FEM1C: variants seen among roughly 807,000 people sequenced by gnomAD.
FEM1C encodes protein fem-1 homolog C.
A neutral mutation model predicts 37.6 loss-of-function variants in FEM1C; 15 were observed. The ratio of observed to expected loss-of-function variants is 0.40; its 90% CI spans 0.27 to 0.61. The LOEUF is 0.61. FEM1C is among the 20% of genes least tolerant of loss of function. The pLI is 0.42. For missense variants in FEM1C, 532 were observed against 749.7 expected, an observed-to-expected ratio of 0.71 and a Z score of 3.39; for synonymous variants, 287 against 272.8, an observed-to-expected ratio of 1.05 and a Z score of -0.51.
At chr5:115,532,762 A>G (rs957536921) in intron 2 of FEM1C, among the ~76,000 whole-genome samples, 9 of 152,060 alleles carry the variant, frequency 5.9e-5, no homozygotes, top group African/African-American at 2.2e-4. Flanking sequence ...TTTATGGTGA[A>G]AGTTCAAGCA....
In FEM1C at chr5:115,525,173, A is replaced by C; in HGVS notation, c.989T>G (p.Leu330Arg). ...AGAGGTATCAGGATGAGAAGGACCA[A>C]GAATACGTTCTCTGATTAATAGTGC... ...MQALLIRERI[L>R]GPSHPDTSYY... The change falls in exon 3 of 3, where the codon CTT becomes CGT. Residue 330 changes from leucine to arginine, a missense_variant. Leu to Arg is a moderately radical substitution (Grantham distance 102). Around this residue, in one of 3 missense-constraint regions of FEM1C, gnomAD observed 221 missense variants for 404.1 expected, o/e 0.55. Transcript: ENST00000274457. The C allele has an allele frequency of 6.2e-7, 1 of 1,613,650 alleles. No homozygotes were observed. The highest frequency in any genetic ancestry group is 8.5e-7 in the Non-Finnish European group (1 of 1,179,836).
In FEM1C at chr5:115,522,036, C is replaced by G. The variant is rs1333309156; in HGVS notation, c.*2272G>C. The G allele has an allele frequency of 6.6e-6, 1 of 151,742 alleles. No individual in the cohort carries two copies. Among genetic ancestry groups the G allele is most frequent in the Non-Finnish European group, 1.5e-5 (1 of 67,798 alleles). The allele number at this position is 151,742 out of a possible 1,614,324, so 9.4% of individuals were successfully genotyped here. A position where few individuals can be genotyped will look rare whatever the true frequency, so the allele number is the denominator to read the frequency against. On this transcript the variant is annotated 3_prime_UTR_variant, in exon 3 of 3. Coordinates refer to ENST00000274457, the MANE Select transcript of FEM1C (RefSeq NM_020177.3). Reference sequence around the variant, plus strand: ...GTGCAAAAATGCTATTTAAAGAAATCCTTACTTTACACAGGAGTTGCACAA... The same window carrying G: ...GTGCAAAAATGCTATTTAAAGAAATGCTTACTTTACACAGGAGTTGCACAA...
At chr5:115,526,460 T>C (rs1753896090) in intron 2 of FEM1C, among the ~76,000 whole-genome samples, 1 of 152,156 alleles carries the variant, frequency 6.6e-6, no homozygotes, top group African/African-American at 2.4e-5. Flanking sequence ...GTACTAAATG[T>C]TCTAACACTG....
At chr5:115,525,639 A>C (rs763108157) in intron 2 of FEM1C, 22 bp from the exon 3 acceptor site, 5 of 1,581,364 alleles carry the variant, frequency 3.2e-6, no homozygotes, top group Non-Finnish European at 4.3e-6. Flanking sequence ...AGAGAAAAAA[A>C]GAAATAACAT....
intron 2 of FEM1C, among the ~76,000 whole-genome samples, chr5:115,536,700 T>TA (rs1327595561): frequency 6.6e-6 from 1 of 151,400 alleles, no homozygotes; most frequent in Admixed American, 6.6e-5. Flanking sequence ...AAAAGGAAAT[T>TA]AAAAAAAAGA....
In FEM1C at chr5:115,543,596, T is replaced by A; in HGVS notation, c.-103A>T. ...AGTCACAGGAACCAAAGTCCAATGT[T>A]AATTGCTGCACCCCAGAACGGATAC... On this transcript the variant is annotated 5_prime_UTR_variant, in exon 2 of 3. It removes the in-frame stop codon of an upstream open reading frame in the 5' UTR. Transcript: ENST00000274457. 2 of 1,488,224 alleles carry A rather than the reference T, an allele frequency of 1.3e-6. No individual in the cohort carries two copies. The highest frequency in any genetic ancestry group is 1.8e-6 in the Non-Finnish European group (2 of 1,128,942). 92.2% of individuals were successfully genotyped at this position (1,488,224 alleles called of 1,614,324 possible). A position where few individuals can be genotyped will look rare whatever the true frequency, so the allele number is the denominator to read the frequency against.
chr5:115,527,351 C>T lies in FEM1C; in HGVS notation c.545-1734G>A, dbSNP rs12110084. On this transcript the variant is annotated intron_variant, in intron 2 of 2. Transcript: ENST00000274457. ...TTATAAGAAATATTGAATCTTTCCA[C>T]AAGTTTATCCTGTTTCGTCTTCTAT... Among the ~76,000 whole-genome samples, 677 of 152,174 alleles carry T rather than the reference C, an allele frequency of 4.4e-3. 9 individuals carry two copies. Among genetic ancestry groups the T allele is most frequent in the African/African-American group, 0.015 (631 of 41,528 alleles).
At chr5:115,535,920 G>A (rs1754116196) in intron 2 of FEM1C, among the ~76,000 whole-genome samples, 1 of 152,004 alleles carries the variant, frequency 6.6e-6, no homozygotes, top group South Asian at 2.1e-4. Context: ...CTACAAAATG[G>A]ATGAACCTTG....
chr5:115,527,515 CATTT>C (rs1753919347), intron 2 of FEM1C, among the ~76,000 whole-genome samples: 2 of 152,084 alleles, frequency 1.3e-5, no homozygotes, highest in Non-Finnish European at 2.9e-5. Context: ...TATCGATGTT[CATTT>C]GTTTAAAATA....
chr5:115,543,732 G>T, intron 1 of FEM1C, 49 bp from the exon 2 acceptor site: 1 of 1,311,858 alleles, frequency 7.6e-7, no homozygotes, highest in Non-Finnish European at 9.7e-7. Context: ...TATAGAAGAA[G>T]GCAAAACACT....
rs1435346647 is a variant in FEM1C at position 115,523,448 on chromosome 5, T to C, written c.*860A>G. ...AAGGTGGGTCACTTTAAAAAGATTCTTCCTTTTACTGCATGATATATTAAG... is the reference window on the plus strand; with the variant it reads ...AAGGTGGGTCACTTTAAAAAGATTCCTCCTTTTACTGCATGATATATTAAG... On this transcript the variant is annotated 3_prime_UTR_variant, in exon 3 of 3. Transcript: ENST00000274457. The C allele has an allele frequency of 2.0e-5, 3 of 152,524 alleles. No homozygotes were observed. Among genetic ancestry groups the C allele is most frequent in the African/African-American group, 7.2e-5 (3 of 41,452 alleles). 9.4% of individuals were successfully genotyped at this position (152,524 alleles called of 1,614,324 possible). A position where few individuals can be genotyped will look rare whatever the true frequency, so the allele number is the denominator to read the frequency against.
chr5:115,542,887 G>C, intron 2 of FEM1C, 63 bp downstream of exon 2: 1 of 1,550,162 alleles, frequency 6.5e-7, no homozygotes, highest in East Asian at 2.2e-5. Context: ...TGCTTATAAT[G>C]ATGTATCAAA....
In FEM1C at chr5:115,525,459, G is replaced by A. The variant is rs1351286946; in HGVS notation, c.703C>T (p.His235Tyr). 6.2e-7 allele frequency: 1 copy of A among 1,613,562 alleles called. No homozygotes were observed. Among genetic ancestry groups the A allele is most frequent in the Non-Finnish European group, 8.5e-7 (1 of 1,179,790 alleles). ...TCTGTCTTGCTGGTCTGTGCATGGT[G>A]TGTCAGAAAATCCACAATATTTGTG... Reference protein sequence around the residue: ...GHTNIVDFLTHHAQTSKTERI... With the variant: ...GHTNIVDFLTYHAQTSKTERI... Residue 235 changes from histidine to tyrosine, a missense_variant, in exon 3 of 3, where the codon CAC (histidine) becomes TAC (tyrosine). Transcript: ENST00000274457.
chr5:115,528,001 G>GGA lies in FEM1C; in HGVS notation c.545-2385_545-2384insTC, dbSNP rs1753936949. Among the ~76,000 whole-genome samples, 3 of 87,088 alleles carry GGA rather than the reference G, an allele frequency of 3.4e-5. No individual in the cohort carries two copies. In the South Asian group the frequency reaches 1.2e-3, roughly 35 times the overall value. 57.1% of individuals were successfully genotyped at this position (87,088 alleles called of 152,430 possible). ...GGTGACAAAGTGAGACTTCGTCTCA[G>GGA]AAAAAAAAAAAAAAAAAAAGGTAGC... On this transcript the variant is annotated intron_variant, in intron 2 of 2. Transcript: ENST00000274457.
intron 2 of FEM1C, among the ~76,000 whole-genome samples, chr5:115,536,976 A>G (rs1754142063): frequency 6.6e-6 from 1 of 152,026 alleles, no homozygotes; most frequent in Non-Finnish European, 1.5e-5. Flanking sequence ...GAGGACTAAA[A>G]GCAACTAATT....
intron 2 of FEM1C, among the ~76,000 whole-genome samples, chr5:115,531,147 A>G (rs1260497428): frequency 6.6e-6 from 1 of 152,166 alleles, no homozygotes; most frequent in Non-Finnish European, 1.5e-5. Flanking sequence ...CTGCCAATTC[A>G]GTGTACTACT....
chr5:115,524,929 A>G lies in FEM1C; in HGVS notation c.1233T>C (p.Leu411=), dbSNP rs773710658. ...GGACGCTTTTGCAAAGTATGCCCAT[A>G]AGATCATCAAATGTAACAGTAGTAC... ...LLGTTVTFDD[L]MGILCKSVLE... The change falls in exon 3 of 3, where the codon CTT becomes CTC. Residue 411 remains leucine (L), a synonymous_variant. Transcript: ENST00000274457. 3.0e-5 allele frequency: 48 copies of G among 1,613,674 alleles called. No homozygotes were observed. The highest frequency in any genetic ancestry group is 3.7e-5 in the Non-Finnish European group (44 of 1,179,848).
intron 2 of FEM1C, among the ~76,000 whole-genome samples, chr5:115,531,071 T>C (rs1223014741): frequency 5.3e-5 from 8 of 152,116 alleles, no homozygotes; most frequent in Admixed American, 5.2e-4. Context: ...GTAGAGATGA[T>C]AAACTCATTC....
At chr5:115,526,352 G>GTGGT (rs2127169324) in intron 2 of FEM1C, among the ~76,000 whole-genome samples, 1 of 152,192 alleles carries the variant, frequency 6.6e-6, no homozygotes, top group South Asian at 2.1e-4. Context: ...AAATATGCGG[G>GTGGT]TGGTTCAATA....
Sources: gnomAD v4.1 joint callset for allele counts (sites outside exome capture counted in the v4.1 genomes callset) on GRCh38, gnomAD v4.1.1 for gene constraint, gnomAD v4.1.1 regional missense constraint, MANE v1.5 for transcripts, NCBI Gene and HGNC (gene_info 2026-07-23, HGNC 2026-07-21) for gene names.